The following PRKN variants were observed in gnomAD, a reference collection of about 807,000 sequenced individuals.
PRKN encodes E3 ubiquitin-protein ligase parkin.
A neutral mutation model predicts 59.5 loss-of-function variants in PRKN; 56 were observed. The observed-to-expected ratio is 0.94, with a 90% CI of 0.76 to 1.18. The LOEUF is 1.18. Ranked by LOEUF, PRKN falls within the 50% of genes most tolerant of loss-of-function variation. PRKN has a pLI of 0.00. For missense variants in PRKN, 657 were observed against 596.4 expected (o/e 1.10, Z -1.06); for synonymous variants, 250 against 222.1 (o/e 1.13, Z -1.12).
intron 4 of PRKN, among the ~76,000 whole-genome samples, chr6:162,192,565 G>T (rs772375235): frequency 2.1e-5 from 3 of 143,306 alleles, no homozygotes; most frequent in Non-Finnish European, 4.5e-5. Context: ...GGATCCACCT[G>T]CCTCGGTCTC....
intron 6 of PRKN, among the ~76,000 whole-genome samples, chr6:161,796,221 T>A (rs757899109): frequency 2.2e-4 from 34 of 152,204 alleles, no homozygotes; most frequent in Non-Finnish European, 4.7e-4. Context: ...GTCTAATTTG[T>A]GTATTGCATT....
At chr6:162,492,959 A>C (rs1162993394) in intron 1 of PRKN, among the ~76,000 whole-genome samples, 2 of 86,344 alleles carry the variant, frequency 2.3e-5, no homozygotes, top group African/African-American at 4.6e-5. Context: ...TCTCAAACAA[A>C]AAAAAAAAAA....
chr6:162,584,624 T>C (rs1780935456), intron 1 of PRKN, among the ~76,000 whole-genome samples: 1 of 152,046 alleles, frequency 6.6e-6, no homozygotes. Context: ...GCTCTCTAAA[T>C]TAAGGGAAAA....
chr6:162,347,679 A>T (rs2128130127), intron 2 of PRKN, among the ~76,000 whole-genome samples: 1 of 152,244 alleles, frequency 6.6e-6, no homozygotes. Flanking sequence ...CTTAAATTTT[A>T]TCTATGGCTC....
At chr6:161,806,260 G>T (rs1791315823) in intron 6 of PRKN, among the ~76,000 whole-genome samples, 1 of 152,096 alleles carries the variant, frequency 6.6e-6, no homozygotes, top group Admixed American at 6.6e-5. Flanking sequence ...GCAGCAGAGG[G>T]TCCCACAGAG....
chr6:162,197,842 C>T (rs965296834), intron 4 of PRKN, among the ~76,000 whole-genome samples: 3 of 152,100 alleles, frequency 2.0e-5, no homozygotes, highest in Admixed American at 2.0e-4. Context: ...TAGAAAATTT[C>T]GAATACAAAT....
chr6:161,971,978 A>G (rs1183786421), intron 6 of PRKN, among the ~76,000 whole-genome samples: 2 of 152,178 alleles, frequency 1.3e-5, no homozygotes, highest in Non-Finnish European at 2.9e-5. Context: ...CATTTCATTA[A>G]AAAGTTCTTT....
At chr6:161,745,064 C>T (rs1214547655) in intron 7 of PRKN, among the ~76,000 whole-genome samples, 1 of 152,130 alleles carries the variant, frequency 6.6e-6, no homozygotes, top group Non-Finnish European at 1.5e-5. Context: ...GGAACGTAGG[C>T]AGTTTTACTC....
chr6:162,649,898 C>T (rs755100250), intron 1 of PRKN, among the ~76,000 whole-genome samples: 3 of 152,008 alleles, frequency 2.0e-5, no homozygotes, highest in Non-Finnish European at 2.9e-5. Flanking sequence ...ATTTTTTTAA[C>T]ATATGTGAAT....
At chr6:162,121,138 A>G (rs1057052947) in intron 4 of PRKN, among the ~76,000 whole-genome samples, 2 of 152,024 alleles carry the variant, frequency 1.3e-5, no homozygotes, top group African/African-American at 4.8e-5. Context: ...GGTGATGTCA[A>G]CTCTCCTGCT....
intron 6 of PRKN, among the ~76,000 whole-genome samples, chr6:161,885,987 A>G (rs1455003690): frequency 6.7e-6 from 1 of 150,086 alleles, no homozygotes; most frequent in Non-Finnish European, 1.5e-5. Context: ...TGCATTTGCA[A>G]AACTGAGTGA....
intron 1 of PRKN, among the ~76,000 whole-genome samples, chr6:162,613,603 G>C (rs982589626): frequency 1.3e-5 from 2 of 152,088 alleles, no homozygotes; most frequent in East Asian, 1.9e-4. Context: ...TCATTTTGCA[G>C]CAAATGCTTC....
chr6:162,347,375 C>T (rs1199224267), intron 2 of PRKN, among the ~76,000 whole-genome samples: 2 of 151,282 alleles, frequency 1.3e-5, no homozygotes, highest in Non-Finnish European at 2.9e-5. Context: ...TTAATAATAC[C>T]ATCTAATTTC....
chr6:161,521,813 T>G (rs1005910746), intron 9 of PRKN, among the ~76,000 whole-genome samples: 2 of 152,184 alleles, frequency 1.3e-5, no homozygotes, highest in Admixed American at 6.5e-5. Flanking sequence ...GGTGAACATT[T>G]CTTGCTCATT....
intron 6 of PRKN, among the ~76,000 whole-genome samples, chr6:161,952,028 C>T (rs1273952989): frequency 6.6e-6 from 1 of 151,542 alleles, no homozygotes; most frequent in African/African-American, 2.4e-5. Flanking sequence ...AACATTAAAA[C>T]AATATCCTTC....
intron 1 of PRKN, among the ~76,000 whole-genome samples, chr6:162,701,254 C>T (rs772503292): frequency 1.3e-5 from 2 of 151,986 alleles, no homozygotes; most frequent in Non-Finnish European, 2.9e-5. Context: ...GCTGTTGCTT[C>T]GGACTAAAAA....
intron 6 of PRKN, among the ~76,000 whole-genome samples, chr6:161,968,566 G>A (rs62436000): frequency 1.4e-3 from 208 of 152,132 alleles, no homozygotes; most frequent in Non-Finnish European, 1.8e-3. Flanking sequence ...TAAGGAGTAC[G>A]CAGAAACTAT....
intron 4 of PRKN, among the ~76,000 whole-genome samples, chr6:162,151,358 CTCAG>C (rs1166580965): frequency 2.0e-5 from 3 of 152,188 alleles, no homozygotes; most frequent in Admixed American, 6.5e-5. Flanking sequence ...AAATTTCATG[CTCAG>C]TCAAACTTTA....
At chr6:162,414,709 T>TGAAAAAA (rs373871165) in intron 2 of PRKN, among the ~76,000 whole-genome samples, 1 of 44,544 alleles carries the variant, frequency 2.2e-5, no homozygotes, top group Non-Finnish European at 3.7e-5. Flanking sequence ...AGACTCCGTC[T>TGAAAAAA]CAAAAAAAAA....
Sources: gnomAD v4.1 joint callset for allele counts (sites outside exome capture counted in the v4.1 genomes callset) on GRCh38, gnomAD v4.1.1 for gene constraint, MANE v1.5 for transcripts, NCBI Gene and HGNC (gene_info 2026-07-23, HGNC 2026-07-21) for gene names.